The following UBE2E2 variants were observed in gnomAD, a reference collection of about 807,000 sequenced individuals.
The protein encoded by UBE2E2 is ubiquitin-conjugating enzyme E2 E2.
Under a neutral mutation model 24.7 loss-of-function variants are expected in UBE2E2, and 6 were observed. The ratio of observed to expected loss-of-function variants is 0.24; its 90% CI spans 0.13 to 0.48. The LOEUF is 0.48. UBE2E2 is among the 20% of genes least tolerant of loss of function. The pLI is 0.99. For missense variants in UBE2E2, 169 were observed against 245.0 expected (o/e 0.69, Z 2.07); for synonymous variants, 104 against 83.6 (o/e 1.24, Z -1.33).
chr3:23,478,535 A>G (rs1392821283), intron 3 of UBE2E2, among the ~76,000 whole-genome samples: 1 of 152,264 alleles, frequency 6.6e-6, no homozygotes, highest in Admixed American at 6.5e-5. Context: ...AGTAGTTTTC[A>G]TACATCAAGA....
At chr3:23,364,068 C>T (rs754235364) in intron 3 of UBE2E2, among the ~76,000 whole-genome samples, 15 of 151,910 alleles carry the variant, frequency 9.9e-5, no homozygotes, top group Non-Finnish European at 2.2e-4. Flanking sequence ...GAAATTAAGG[C>T]AGAAACCAAG....
chr3:23,289,501 C>A (rs1164106132), intron 3 of UBE2E2, among the ~76,000 whole-genome samples: 3 of 152,118 alleles, frequency 2.0e-5, no homozygotes, highest in African/African-American at 4.8e-5. Flanking sequence ...CTTCTAGATA[C>A]AATTTTTCAA....
intron 3 of UBE2E2, among the ~76,000 whole-genome samples, chr3:23,333,470 T>C (rs897150968): frequency 4.6e-5 from 7 of 152,122 alleles, no homozygotes; most frequent in Non-Finnish European, 7.4e-5. Flanking sequence ...GGGACAGGTT[T>C]TCCTCCCCAA....
intron 5 of UBE2E2, among the ~76,000 whole-genome samples, chr3:23,556,750 C>T (rs898737629): frequency 6.6e-6 from 1 of 152,200 alleles, no homozygotes; most frequent in African/African-American, 2.4e-5. Flanking sequence ...CATTTCTTCC[C>T]GTATACCAAC....
chr3:23,475,896 A>T (rs1411789150), intron 3 of UBE2E2, among the ~76,000 whole-genome samples: 1 of 152,130 alleles, frequency 6.6e-6, no homozygotes, highest in African/African-American at 2.4e-5. Context: ...CAGGATTTAC[A>T]GTGAGTACAT....
At chr3:23,272,445 G>A (rs1256877887) in intron 3 of UBE2E2, among the ~76,000 whole-genome samples, 1 of 152,158 alleles carries the variant, frequency 6.6e-6, no homozygotes, top group Non-Finnish European at 1.5e-5. Flanking sequence ...CCCAGAGAGG[G>A]GCTCCCACAG....
intron 3 of UBE2E2, among the ~76,000 whole-genome samples, chr3:23,404,280 C>T (rs1697303159): frequency 6.6e-6 from 1 of 152,098 alleles, no homozygotes; most frequent in Admixed American, 6.6e-5. Context: ...TATATGACTG[C>T]AATAAGATTT....
chr3:23,257,343 T>C (rs1358271515), intron 3 of UBE2E2, among the ~76,000 whole-genome samples: 1 of 152,166 alleles, frequency 6.6e-6, no homozygotes, highest in Non-Finnish European at 1.5e-5. Flanking sequence ...ACTCCAGGAC[T>C]GTGAAACCAG....
At chr3:23,270,714 T>C (rs1367689735) in intron 3 of UBE2E2, among the ~76,000 whole-genome samples, 5 of 152,218 alleles carry the variant, frequency 3.3e-5, no homozygotes, top group Admixed American at 2.6e-4. Context: ...TGGCATCTGA[T>C]ATTTCTAGCT....
At chr3:23,566,940 GT>G (rs1442573845) in intron 5 of UBE2E2, among the ~76,000 whole-genome samples, 2 of 152,208 alleles carry the variant, frequency 1.3e-5, no homozygotes, top group Admixed American at 6.5e-5. Context: ...TCAGGACTTA[GT>G]TTCCTTACCA....
chr3:23,532,355 T>A (rs571344873), intron 4 of UBE2E2, among the ~76,000 whole-genome samples, 199 bp from the exon 5 acceptor site: 2 of 152,316 alleles, frequency 1.3e-5, no homozygotes, highest in African/African-American at 4.8e-5. Flanking sequence ...TATTTCTCTG[T>A]GCCCAAAATG....
At chr3:23,252,327 GT>G (rs1191293483) in intron 3 of UBE2E2, among the ~76,000 whole-genome samples, 1 of 152,020 alleles carries the variant, frequency 6.6e-6, no homozygotes, top group Non-Finnish European at 1.5e-5. Context: ...TTGCTGCATA[GT>G]TTTAGGATGC....
intron 3 of UBE2E2, among the ~76,000 whole-genome samples, chr3:23,491,288 G>C (rs1037752265): frequency 2.6e-5 from 4 of 152,110 alleles, no homozygotes; most frequent in African/African-American, 9.7e-5. Context: ...TGGGGCATAG[G>C]GAATGCCTTT....
intron 3 of UBE2E2, among the ~76,000 whole-genome samples, chr3:23,291,436 G>T (rs189187526): frequency 1.3e-5 from 2 of 152,034 alleles, no homozygotes; most frequent in African/African-American, 4.8e-5. Flanking sequence ...TAATAATAAG[G>T]CTTTTGTTCA....
At chr3:23,370,623 A>G (rs558854461) in intron 3 of UBE2E2, among the ~76,000 whole-genome samples, 4 of 152,348 alleles carry the variant, frequency 2.6e-5, no homozygotes, top group East Asian at 1.9e-4. Context: ...GATGAATGTT[A>G]TCTGTGAAAT....
chr3:23,394,149 G>A (rs1382734397), intron 3 of UBE2E2, among the ~76,000 whole-genome samples: 5 of 152,212 alleles, frequency 3.3e-5, no homozygotes, highest in African/African-American at 1.2e-4. Context: ...CGTGCAAACA[G>A]CATGGTCCTT....
In UBE2E2 at chr3:23,205,747, C is replaced by T. The variant is rs372952360; in HGVS notation, c.-9+2283C>T. On this transcript the variant is annotated intron_variant, in intron 1 of 5. Coordinates refer to ENST00000396703, the MANE Select transcript of UBE2E2 (RefSeq NM_152653.4). ...CTTAATGTGAAACCAGAAATTACAC[C>T]TCTGTTGGGGAATTTCTAATAGTAT... Among the ~76,000 whole-genome samples the T allele has an allele frequency of 3.3e-5, 5 of 152,150 alleles. No homozygotes were observed. The East Asian group carries it at 5.8e-4, about 18-fold the overall frequency.
chr3:23,471,599 A>G (rs1483472267), intron 3 of UBE2E2, among the ~76,000 whole-genome samples: 1 of 152,190 alleles, frequency 6.6e-6, no homozygotes, highest in African/African-American at 2.4e-5. Flanking sequence ...TCATAGGTGA[A>G]TAAAGGAGAC....
intron 3 of UBE2E2, among the ~76,000 whole-genome samples, chr3:23,443,440 G>T (rs909874794): frequency 6.6e-6 from 1 of 152,188 alleles, no homozygotes; most frequent in Non-Finnish European, 1.5e-5. Flanking sequence ...CTGTAGGTTC[G>T]TTCCTGAAAA....
Sources: allele counts gnomAD v4.1 joint callset (sites outside exome capture counted in the v4.1 genomes callset), GRCh38; gene constraint gnomAD v4.1.1; transcripts MANE v1.5; gene names NCBI Gene and HGNC (gene_info 2026-07-23, HGNC 2026-07-21).